Variants in BMS1 observed in about 807,000 individuals in gnomAD.
The protein encoded by BMS1 is BMS1 ribosome biogenesis factor.
Under a neutral mutation model 138.7 loss-of-function variants are expected in BMS1, and 53 were observed. The ratio of observed to expected loss-of-function variants is 0.38; its 90% CI spans 0.31 to 0.48. The LOEUF is 0.48. Ranked by LOEUF, BMS1 falls within the 20% of genes least tolerant of loss-of-function variation. The pLI is 0.97. For synonymous variants in BMS1, 504 were observed against 539.9 expected, an observed-to-expected ratio of 0.93 and a Z score of 0.92; for missense variants, 1,360 against 1,565.5, an observed-to-expected ratio of 0.87 and a Z score of 2.22.
At chr10:42,814,360 G>T (rs996953722) in intron 13 of BMS1, among the ~76,000 whole-genome samples, 32 of 151,962 alleles carry the variant, frequency 2.1e-4, no homozygotes, top group African/African-American at 6.0e-4. Context: ...CTCCTCTGTC[G>T]TCTCCACTTT....
chr10:42,797,299 A>C, intron 10 of BMS1, 68 bp downstream of exon 10: 2 of 1,576,524 alleles, frequency 1.3e-6, no homozygotes, highest in South Asian at 2.3e-5. Context: ...AGGAATGTCT[A>C]CATTTAGGGG....
In BMS1 at chr10:42,817,374, T is replaced by C. The variant is rs2132369679; in HGVS notation, c.2460T>C (p.Ser820=). The C allele has an allele frequency of 1.2e-6, 2 of 1,610,226 alleles. No individual in the cohort carries two copies. The highest frequency in any genetic ancestry group is 4.5e-5 in the East Asian group (2 of 44,868). The part of the protein sequence containing the change: ...KEEIDPDEEE[S]AKKKHLDKKR... ...AAATTGACCCCGACGAAGAAGAAAG[T>C]GCCAAGAAAAAGCATTTGGATAAGA... Residue 820 remains serine, a synonymous_variant, in exon 15 of 23, where the codon AGT becomes AGC. Transcript: ENST00000374518.
chr10:42,787,025 C>T, intron 3 of BMS1, 143 bp from the exon 4 acceptor site: 2 of 658,566 alleles, frequency 3.0e-6, no homozygotes, highest in Middle Eastern at 4.3e-4. Context: ...TCAGTTTTTG[C>T]CTGTAAAAAT....
At chr10:42,805,447 C>G (rs2132338532) in intron 13 of BMS1, among the ~76,000 whole-genome samples, 1 of 152,228 alleles carries the variant, frequency 6.6e-6, no homozygotes, top group East Asian at 1.9e-4. Flanking sequence ...GTCTCCTTTT[C>G]AAAGTTGTTT....
intron 21 of BMS1, among the ~76,000 whole-genome samples, chr10:42,826,957 G>A (rs1413674689): frequency 6.6e-6 from 1 of 152,228 alleles, no homozygotes; most frequent in Non-Finnish European, 1.5e-5. Context: ...ATGCTGTGAT[G>A]TGGACATCGT....
chr10:42,808,329 C>T (rs1242455837), intron 13 of BMS1, among the ~76,000 whole-genome samples: 1 of 151,266 alleles, frequency 6.6e-6, no homozygotes, highest in Non-Finnish European at 1.5e-5. Context: ...GACAGAGTCT[C>T]TCTCTGTTGC....
intron 10 of BMS1, 31 bp downstream of exon 10, chr10:42,797,262 G>A (rs1273071843): frequency 1.3e-6 from 2 of 1,585,224 alleles, no homozygotes; most frequent in Admixed American, 1.8e-5. Flanking sequence ...TTGCTGCTAT[G>A]AACTTGGCTC....
intron 19 of BMS1, among the ~76,000 whole-genome samples, chr10:42,822,562 G>T (rs1035693929): frequency 3.3e-5 from 5 of 152,144 alleles, no homozygotes; most frequent in Admixed American, 2.0e-4. Context: ...AATCGACAAA[G>T]CATTTGCAGA....
intron 22 of BMS1, 83 bp from the exon 23 acceptor site, chr10:42,830,783 G>A (rs1328084622): frequency 2.0e-5 from 23 of 1,177,828 alleles, no homozygotes; most frequent in Non-Finnish European, 2.7e-5. Context: ...TGGATCGTGG[G>A]TTGCCTCTAG....
chr10:42,808,005 T>C (rs1842059662), intron 13 of BMS1, among the ~76,000 whole-genome samples: 1 of 152,206 alleles, frequency 6.6e-6, no homozygotes, highest in Non-Finnish European at 1.5e-5. Flanking sequence ...TGATATTTCA[T>C]TGTGGTTTTA....
At chr10:42,793,711 A>G (rs1841584841) in intron 8 of BMS1, 141 bp from the exon 9 acceptor site, 11 of 1,031,402 alleles carry the variant, frequency 1.1e-5, no homozygotes, top group Non-Finnish European at 1.4e-5. Flanking sequence ...TGTTGTAAGG[A>G]TTTTCTTCTC....
intron 4 of BMS1, among the ~76,000 whole-genome samples, chr10:42,790,013 G>A (rs1385740498): frequency 6.6e-6 from 1 of 152,136 alleles, no homozygotes; most frequent in Non-Finnish European, 1.5e-5. Context: ...AGAGGGTGGT[G>A]GTTTCTCTGT....
chr10:42,798,692 A>G (rs547907184), intron 12 of BMS1, 67 bp downstream of exon 12: 2 of 1,580,920 alleles, frequency 1.3e-6, no homozygotes, highest in East Asian at 4.5e-5. Flanking sequence ...AGATTATCTG[A>G]TGTCAATATT....
Position 42,826,308 on chromosome 10 carries a change from T to C in BMS1, c.3456+2524T>C, listed in dbSNP as rs369543969. On this transcript the variant is annotated intron_variant, in intron 21 of 22. Transcript: ENST00000374518. ...TGGTTTGGCTTAGGTATTAAGGTGA[T>C]ACTGGCCTGGTAAAATGTGTTTGGA... is the stretch of plus-strand genomic sequence containing the variant. 1.6e-4 allele frequency among the ~76,000 whole-genome samples: 24 copies of C among 151,620 alleles called. 1 individual carries two copies. The East Asian group carries it at 3.9e-3, about 25-fold the overall frequency.
intron 15 of BMS1, among the ~76,000 whole-genome samples, 195 bp from the exon 16 acceptor site, chr10:42,820,041 C>G (rs569985703): frequency 3.5e-4 from 53 of 152,282 alleles, no homozygotes; most frequent in African/African-American, 1.2e-3. Flanking sequence ...ATCTGCCCAC[C>G]TCGGCCTCCC....
chr10:42,793,762 C>CT (rs1841586185), intron 8 of BMS1, 90 bp from the exon 9 acceptor site: 1 of 1,441,434 alleles, frequency 6.9e-7, no homozygotes, highest in Non-Finnish European at 9.4e-7. Context: ...GGAAATGTGT[C>CT]TAAGATAATT....
chr10:42,811,597 T>G (rs1334979270), intron 13 of BMS1, among the ~76,000 whole-genome samples: 1 of 128,582 alleles, frequency 7.8e-6, no homozygotes, highest in Non-Finnish European at 1.6e-5. Flanking sequence ...GGATCTCGGC[T>G]CACTGCAAGC....
intron 13 of BMS1, among the ~76,000 whole-genome samples, chr10:42,814,227 C>A (rs1365477387): frequency 6.6e-6 from 1 of 152,094 alleles, no homozygotes; most frequent in South Asian, 2.1e-4. Flanking sequence ...AACATAAATG[C>A]GGGGTCTTTT....
chr10:42,795,448 T>C (rs1458888828), intron 9 of BMS1, among the ~76,000 whole-genome samples: 1 of 151,748 alleles, frequency 6.6e-6, no homozygotes, highest in Non-Finnish European at 1.5e-5. Flanking sequence ...GCCCCCCAAG[T>C]AGCTGGGACT....
Sources: gnomAD v4.1 joint callset for allele counts (sites outside exome capture counted in the v4.1 genomes callset) on GRCh38, gnomAD v4.1.1 for gene constraint, MANE v1.5 for transcripts, NCBI Gene and HGNC (gene_info 2026-07-23, HGNC 2026-07-21) for gene names.